The following CDKAL1 variants were observed in gnomAD, a reference collection of about 807,000 sequenced individuals.
The protein encoded by CDKAL1 is CDKAL1 threonylcarbamoyladenosine tRNA methylthiotransferase, also known as threonylcarbamoyladenosine tRNA methylthiotransferase.
In CDKAL1, 32 loss-of-function variants were observed where a neutral mutation model predicts 68.2. That is an observed-to-expected ratio of 0.47 (90% CI 0.35 to 0.63). The LOEUF is 0.63. Among genes scored for constraint, CDKAL1 ranks in the 30% least tolerant of loss-of-function variants. CDKAL1 has a pLI of 0.00. For missense variants in CDKAL1, 606 were observed against 696.7 expected, an observed-to-expected ratio of 0.87 and a Z score of 1.47; for synonymous variants, 234 against 244.3, an observed-to-expected ratio of 0.96 and a Z score of 0.39.
At chr6:20,602,767 C>G (rs1026182290) in intron 4 of CDKAL1, among the ~76,000 whole-genome samples, 2 of 152,160 alleles carry the variant, frequency 1.3e-5, no homozygotes, top group Non-Finnish European at 2.9e-5. Context: ...CCTGGGATAT[C>G]AGTTTTCTGG....
chr6:21,145,756 C>T (rs1026583781), intron 13 of CDKAL1, among the ~76,000 whole-genome samples: 1 of 152,136 alleles, frequency 6.6e-6, no homozygotes. Flanking sequence ...AAAAATTCAC[C>T]GGGCCTGGTG....
chr6:21,202,310 TA>T (rs1461475349), intron 15 of CDKAL1, among the ~76,000 whole-genome samples: 4 of 152,084 alleles, frequency 2.6e-5, no homozygotes, highest in African/African-American at 9.7e-5. Flanking sequence ...CAGCTTTTGT[TA>T]AAATCCTACC....
intron 4 of CDKAL1, among the ~76,000 whole-genome samples, chr6:20,626,802 G>T (rs563283437): frequency 2.0e-4 from 31 of 152,244 alleles, no homozygotes; most frequent in Non-Finnish European, 3.8e-4. Context: ...CCAGGAAAGG[G>T]CATGGATCAA....
chr6:21,217,831 C>T (rs993397698), intron 15 of CDKAL1, among the ~76,000 whole-genome samples: 3 of 152,154 alleles, frequency 2.0e-5, no homozygotes, highest in African/African-American at 7.2e-5. Flanking sequence ...CTGTGTTGCC[C>T]AGGTTGGTCT....
At chr6:21,093,711 T>TGC (rs1281697359) in intron 12 of CDKAL1, among the ~76,000 whole-genome samples, 1 of 40,776 alleles carries the variant, frequency 2.5e-5, no homozygotes, top group African/African-American at 1.0e-4. Context: ...TTTTTTTTTT[T>TGC]TTTTTTTTTT....
intron 5 of CDKAL1, among the ~76,000 whole-genome samples, chr6:20,656,592 C>T (rs1270489454): frequency 6.6e-6 from 1 of 152,010 alleles, no homozygotes; most frequent in East Asian, 1.9e-4. Context: ...CCCCTATGTA[C>T]TGAACCTAGA....
At chr6:21,161,118 C>T (rs1434984273) in intron 13 of CDKAL1, among the ~76,000 whole-genome samples, 1 of 152,020 alleles carries the variant, frequency 6.6e-6, no homozygotes, top group African/African-American at 2.4e-5. Context: ...CCAGCCTGAC[C>T]TTTGGTGTCA....
At chr6:20,730,434 G>T (rs1048244266) in intron 5 of CDKAL1, among the ~76,000 whole-genome samples, 5 of 140,686 alleles carry the variant, frequency 3.6e-5, no homozygotes, top group Non-Finnish European at 7.8e-5. Flanking sequence ...AAGGAAGAAA[G>T]AAAGAGAAAG....
chr6:20,857,683 G>A (rs986514213), intron 9 of CDKAL1, among the ~76,000 whole-genome samples: 3 of 152,172 alleles, frequency 2.0e-5, no homozygotes, highest in African/African-American at 7.2e-5. Flanking sequence ...AGAAATGTTT[G>A]TCTAGAGAAC....
Position 21,075,117 on chromosome 6 carries a change from A to G in CDKAL1, c.1236+9889A>G, listed in dbSNP as rs1771999291. ...GCTAACCCATTATTAGAAGAAGAGT[A>G]CAATACAATACCAGTTGCTTTCAAA... On this transcript the variant is annotated intron_variant, in intron 12 of 15. Coordinates refer to ENST00000274695, the MANE Select transcript of CDKAL1 (RefSeq NM_017774.3). Among the ~76,000 whole-genome samples the G allele has an allele frequency of 4.3e-5, 4 of 94,100 alleles. No individual in the cohort carries two copies. The South Asian group carries it at 1.4e-3, about 34-fold the overall frequency. The allele number at this position is 94,100 out of a possible 152,430, so 61.7% of individuals were successfully genotyped here. A position where few individuals can be genotyped will look rare whatever the true frequency, so the allele number is the denominator to read the frequency against.
At position 20,753,953 on chromosome 6, in the gene CDKAL1, C is replaced by CTGTGTGTG. The variant is rs1256988409; in HGVS notation, c.469-4639_469-4638insGTGTGTGT. On this transcript the variant is annotated intron_variant, in intron 6 of 15. Transcript: ENST00000274695. ...CATTTTCACCAACACTCGTTATTAT[C>CTGTGTGTG]TGTATGTGTGTGTGTGTGTGTGTGT... Among the ~76,000 whole-genome samples the CTGTGTGTG allele has an allele frequency of 8.5e-4, 97 of 113,852 alleles. 1 individual carries two copies. The highest frequency in any genetic ancestry group is 8.4e-3 in the East Asian group (30 of 3,592). The allele number at this position is 113,852 out of a possible 152,430, so 74.7% of individuals were successfully genotyped here. A position where few individuals can be genotyped will look rare whatever the true frequency, so the allele number is the denominator to read the frequency against.
intron 4 of CDKAL1, among the ~76,000 whole-genome samples, chr6:20,636,797 G>C (rs1767921915): frequency 6.6e-6 from 1 of 152,210 alleles, no homozygotes; most frequent in Non-Finnish European, 1.5e-5. Context: ...CACACTTTGG[G>C]AGGCCGAGGC....
chr6:20,706,440 C>T (rs904890271), intron 5 of CDKAL1, among the ~76,000 whole-genome samples: 1 of 152,168 alleles, frequency 6.6e-6, no homozygotes, highest in South Asian at 2.1e-4. Context: ...AGCCTAGTTT[C>T]CACCCTTACA....
At position 20,835,847 on chromosome 6, in the gene CDKAL1, G is replaced by T. The variant is rs376666094; in HGVS notation, c.639-10228G>T. 1.6e-3 allele frequency among the ~76,000 whole-genome samples: 249 copies of T among 152,182 alleles called. 8 individuals are homozygous for T. In the South Asian group the frequency reaches 0.049, roughly 30 times the overall value. ...TTATAGGCATGAGTCACTGCGCCTG[G>T]CCTGGAACCCCTTTTCAACTTCAGT... is the stretch of plus-strand genomic sequence containing the variant. On this transcript the variant is annotated intron_variant, in intron 8 of 15. Transcript: ENST00000274695.
intron 11 of CDKAL1, among the ~76,000 whole-genome samples, chr6:21,042,996 G>A (rs920887773): frequency 6.6e-6 from 1 of 152,106 alleles, no homozygotes; most frequent in African/African-American, 2.4e-5. Flanking sequence ...TGCTTAGGAG[G>A]ACCACGTGAG....
intron 9 of CDKAL1, among the ~76,000 whole-genome samples, chr6:20,877,926 CACTT>C (rs1174000692): frequency 6.6e-6 from 1 of 152,128 alleles, no homozygotes; most frequent in African/African-American, 2.4e-5. Context: ...CTGTCAAATG[CACTT>C]ACTTATACTT....
intron 5 of CDKAL1, among the ~76,000 whole-genome samples, chr6:20,710,302 G>A (rs1371941275): frequency 6.6e-6 from 1 of 152,142 alleles, no homozygotes; most frequent in African/African-American, 2.4e-5. Context: ...GCCATTGAGA[G>A]CCACATACAC....
intron 2 of CDKAL1, among the ~76,000 whole-genome samples, chr6:20,545,103 A>G (rs1280224799): frequency 1.3e-5 from 2 of 151,598 alleles, no homozygotes; most frequent in African/African-American, 4.9e-5. Flanking sequence ...GGGGGGTTTT[A>G]TTGTTGGCAT....
rs1482845338 is a variant in CDKAL1 at position 21,201,110 on chromosome 6, G to C, written c.1384G>C (p.Val462Leu). ...AGCCTCTGAAACAAATGTGTTTAAG[G>C]TTTTAGTGCCAAAGAACCCTGCGTT... The part of the protein sequence containing the change: ...YVAHNQFYEQ[V>L]LVPKNPAFMG... Residue 462 changes from valine (V) to leucine (L), a missense_variant and splice_region_variant, in exon 15 of 16, where the codon GTT becomes CTT. Physicochemically the swap from Val to Leu is conservative, Grantham distance 32 (BLOSUM62 1). Coordinates refer to ENST00000274695, the MANE Select transcript of CDKAL1 (RefSeq NM_017774.3). The C allele has an allele frequency of 1.2e-6, 2 of 1,606,704 alleles. No individual in the cohort carries two copies. The highest frequency in any genetic ancestry group is 3.3e-5 in the Admixed American group (2 of 59,802).
Sources: gnomAD v4.1 joint callset for allele counts (sites outside exome capture counted in the v4.1 genomes callset) on GRCh38, gnomAD v4.1.1 for gene constraint, MANE v1.5 for transcripts, NCBI Gene and HGNC (gene_info 2026-07-23, HGNC 2026-07-21) for gene names.